CNTLN: variants seen among roughly 807,000 people sequenced by gnomAD.
CNTLN encodes the protein centlein, centrosomal protein.
CNTLN carries 212 observed loss-of-function variants against 180.0 expected under a neutral mutation model. That is an observed-to-expected ratio of 1.18 (90% CI 1.05 to 1.32). CNTLN has a LOEUF of 1.32. Among genes scored for constraint, CNTLN ranks in the 40% most tolerant of loss-of-function variants. The probability of loss-of-function intolerance (pLI) is 0.00; values close to 1 mark genes in which losing one functional copy is unlikely to be tolerated. For missense variants in CNTLN, 2,095 were observed against 1,610.9 expected (o/e 1.30, Z -5.14); for synonymous variants, 722 against 563.1 (o/e 1.28, Z -3.99).
In CNTLN at chr9:17,330,804, A is replaced by G. The variant is rs772748421; in HGVS notation, c.1514A>G (p.His505Arg). Residue 505 changes from histidine to arginine, a missense_variant, in exon 9 of 26, where the codon CAT (histidine) becomes CGT (arginine). By Grantham distance (29) the His-to-Arg change is conservative. Transcript: ENST00000380647. ...ATCATGACAAGTGCTGAAGGAAAACATAAGGTAGGGACATTTTGTCATTTT... is the reference window on the plus strand; with the variant it reads ...ATCATGACAAGTGCTGAAGGAAAACGTAAGGTAGGGACATTTTGTCATTTT... ...KSIMTSAEGK[H>R]KEPPVKRSRS... The G allele has an allele frequency of 6.2e-7, 1 of 1,605,050 alleles. No homozygotes were observed.
intron 2 of CNTLN, among the ~76,000 whole-genome samples, chr9:17,179,280 T>C (rs1346705136): frequency 6.6e-6 from 1 of 151,328 alleles, no homozygotes; most frequent in African/African-American, 2.4e-5. Context: ...GTGTAGATTA[T>C]TGATTTGAGA....
chr9:17,229,944 A>G (rs1306219449), intron 3 of CNTLN, among the ~76,000 whole-genome samples: 2 of 152,170 alleles, frequency 1.3e-5, no homozygotes, highest in African/African-American at 2.4e-5. Flanking sequence ...CTTGATATGC[A>G]TAATTCAGTT....
chr9:17,470,564 G>A (rs1434527687), intron 23 of CNTLN, among the ~76,000 whole-genome samples: 1 of 151,838 alleles, frequency 6.6e-6, no homozygotes, highest in Non-Finnish European at 1.5e-5. Flanking sequence ...TATGGAATTT[G>A]GCCCTGGGGT....
chr9:17,343,021 A>T (rs182717686), intron 12 of CNTLN, among the ~76,000 whole-genome samples: 39 of 152,304 alleles, frequency 2.6e-4, no homozygotes, highest in Admixed American at 2.4e-3. Flanking sequence ...ACACAAGGGA[A>T]TTGCCTTCTT....
At chr9:17,253,485 G>T (rs959407206) in intron 5 of CNTLN, among the ~76,000 whole-genome samples, 13 of 151,182 alleles carry the variant, frequency 8.6e-5, no homozygotes, top group Non-Finnish European at 1.3e-4. Context: ...AACCCTCCTT[G>T]GTTAAATTTA....
At chr9:17,366,973 G>C (rs1008200186) in intron 13 of CNTLN, among the ~76,000 whole-genome samples, 1 of 152,080 alleles carries the variant, frequency 6.6e-6, no homozygotes, top group African/African-American at 2.4e-5. Flanking sequence ...TTATGCTGTG[G>C]GAACTCCAAA....
intron 12 of CNTLN, among the ~76,000 whole-genome samples, chr9:17,346,329 G>A (rs1821891753): frequency 6.6e-6 from 1 of 151,936 alleles, no homozygotes; most frequent in South Asian, 2.1e-4. Flanking sequence ...GAACACACTA[G>A]CATGAGATCT....
At chr9:17,141,684 G>GT (rs1563813784) in intron 1 of CNTLN, among the ~76,000 whole-genome samples, 2 of 152,164 alleles carry the variant, frequency 1.3e-5, no homozygotes, top group African/African-American at 4.8e-5. Flanking sequence ...ACTTGGACTA[G>GT]GGCGATAGTG....
At chr9:17,444,504 C>T (rs1830290529) in intron 18 of CNTLN, among the ~76,000 whole-genome samples, 1 of 152,188 alleles carries the variant, frequency 6.6e-6, no homozygotes, top group Non-Finnish European at 1.5e-5. Context: ...TCACCCACTT[C>T]AGTTGCCAAT....
chr9:17,205,986 C>A (rs1175874757), intron 2 of CNTLN, among the ~76,000 whole-genome samples: 1 of 151,524 alleles, frequency 6.6e-6, no homozygotes. Context: ...ATGAGAATAA[C>A]CTGTCTGCTA....
chr9:17,275,758 T>A (rs1828269751), intron 6 of CNTLN, among the ~76,000 whole-genome samples: 1 of 152,126 alleles, frequency 6.6e-6, no homozygotes, highest in Non-Finnish European at 1.5e-5. Flanking sequence ...AGCAAGAATA[T>A]CCTTGCATGC....
At chr9:17,359,744 A>AAACAAAAAAAAAAAAAACAAAAAAAG (rs1823191058) in intron 12 of CNTLN, among the ~76,000 whole-genome samples, 1 of 50,204 alleles carries the variant, frequency 2.0e-5, no homozygotes, top group African/African-American at 5.3e-5. Context: ...AAAAAAAAAA[A>AAACAAAAAAAAAAAAAACAAAAAAAG]AAAAAACTAG....
At chr9:17,353,277 A>G (rs1312864403) in intron 12 of CNTLN, among the ~76,000 whole-genome samples, 1 of 135,526 alleles carries the variant, frequency 7.4e-6, no homozygotes, top group African/African-American at 2.7e-5. Flanking sequence ...TTTTTAAGGA[A>G]CTGCCAAACT....
chr9:17,333,076 T>C (rs1820752665), intron 10 of CNTLN, among the ~76,000 whole-genome samples: 1 of 152,124 alleles, frequency 6.6e-6, no homozygotes, highest in African/African-American at 2.4e-5. Context: ...GATAAACATA[T>C]GTAAATGAAA....
chr9:17,228,452 T>A (rs1254168466), intron 3 of CNTLN, among the ~76,000 whole-genome samples: 1 of 152,134 alleles, frequency 6.6e-6, no homozygotes, highest in Non-Finnish European at 1.5e-5. Context: ...AAGTATATTT[T>A]CAGTTAGGTG....
At chr9:17,475,872 CAAAAA>C (rs67818691) in intron 23 of CNTLN, among the ~76,000 whole-genome samples, 3 of 117,250 alleles carry the variant, frequency 2.6e-5, no homozygotes, top group Non-Finnish European at 5.5e-5. Flanking sequence ...GACTCTCTCT[CAAAAA>C]AAAAAAAAAA....
chr9:17,486,815 C>T (rs984585355), intron 24 of CNTLN, among the ~76,000 whole-genome samples, 174 bp from the exon 25 acceptor site: 23 of 151,966 alleles, frequency 1.5e-4, no homozygotes, highest in African/African-American at 4.8e-4. Context: ...TAGTACGTAT[C>T]GATAAATTAA....
At chr9:17,417,808 G>A (rs1415969432) in intron 18 of CNTLN, among the ~76,000 whole-genome samples, 1 of 151,718 alleles carries the variant, frequency 6.6e-6, no homozygotes, top group Non-Finnish European at 1.5e-5. Context: ...CAATTTTAAT[G>A]TCCTTTCTTC....
the CNTLN span, among the ~76,000 whole-genome samples, chr9:17,517,308 C>T: frequency 4.6e-5 from 7 of 151,584 alleles, no homozygotes; most frequent in Admixed American, 3.9e-4. Flanking sequence ...AGGAGAATGG[C>T]GTGAACCCAG....
Sources: gnomAD v4.1 joint callset for allele counts (sites outside exome capture counted in the v4.1 genomes callset) on GRCh38, gnomAD v4.1.1 for gene constraint, MANE v1.5 for transcripts, NCBI Gene and HGNC (gene_info 2026-07-23, HGNC 2026-07-21) for gene names.